Variants in SLC1A3 observed in about 807,000 individuals in gnomAD.
SLC1A3 encodes solute carrier family 1 member 3, also known as excitatory amino acid transporter 1.
SLC1A3 carries 21 observed loss-of-function variants against 48.1 expected under a neutral mutation model. That is an observed-to-expected ratio of 0.44 (90% CI 0.31 to 0.63). The LOEUF is 0.63. Among genes scored for constraint, SLC1A3 ranks in the 20% least tolerant of loss-of-function variants. The probability of loss-of-function intolerance (pLI) is 0.08; values close to 1 mark genes in which losing one functional copy is unlikely to be tolerated. For missense variants in SLC1A3, 546 were observed against 689.0 expected (o/e 0.79, Z 2.32); for synonymous variants, 239 against 251.4 (o/e 0.95, Z 0.47).
intron 6 of SLC1A3, among the ~76,000 whole-genome samples, chr5:36,679,098 G>A (rs937951736): frequency 7.2e-5 from 11 of 152,226 alleles, no homozygotes; most frequent in Non-Finnish European, 1.5e-4. Flanking sequence ...CTGCAAACCT[G>A]AGACACTGGT....
intron 2 of SLC1A3, among the ~76,000 whole-genome samples, chr5:36,626,337 A>G (rs151331313): frequency 2.0e-5 from 3 of 152,334 alleles, no homozygotes; most frequent in African/African-American, 7.2e-5. Flanking sequence ...CAGAACAGCT[A>G]TTCTATCAAT....
intron 3 of SLC1A3, among the ~76,000 whole-genome samples, chr5:36,653,759 G>T (rs552491643): frequency 6.6e-6 from 1 of 152,346 alleles, no homozygotes; most frequent in African/African-American, 2.4e-5. Context: ...GAGCTCCTGA[G>T]AGTGGCATAC....
At chr5:36,661,601 G>A (rs894629584) in intron 3 of SLC1A3, among the ~76,000 whole-genome samples, 10 of 152,202 alleles carry the variant, frequency 6.6e-5, no homozygotes, top group African/African-American at 2.4e-4. Context: ...GTGGGCACAG[G>A]TGCATGTGGC....
At chr5:36,617,415 C>CTTTTTT (rs34710652) in intron 2 of SLC1A3, among the ~76,000 whole-genome samples, 2 of 57,688 alleles carry the variant, frequency 3.5e-5, no homozygotes, top group South Asian at 9.1e-4. Context: ...AGGTTGCGGG[C>CTTTTTT]TTTTTTTTTT....
At chr5:36,612,983 G>A (rs1295413528) in intron 2 of SLC1A3, 1 of 389,498 alleles carries the variant, frequency 2.6e-6, no homozygotes, top group Non-Finnish European at 5.2e-6. Flanking sequence ...TTCAATGAGA[G>A]AAGGTGGACT....
At chr5:36,613,844 G>A (rs1312556990) in intron 2 of SLC1A3, among the ~76,000 whole-genome samples, 4 of 152,116 alleles carry the variant, frequency 2.6e-5, no homozygotes, top group Non-Finnish European at 5.9e-5. Context: ...TAGGTTATAA[G>A]AACTAGGGTC....
intron 1 of SLC1A3, among the ~76,000 whole-genome samples, chr5:36,599,949 G>C (rs934793416): frequency 1.3e-5 from 2 of 152,230 alleles, no homozygotes; most frequent in South Asian, 2.1e-4. Flanking sequence ...AGCCTCCCGA[G>C]TAGCTAGGAT....
At chr5:36,674,273 G>T (rs1356479169) in intron 5 of SLC1A3, among the ~76,000 whole-genome samples, 182 bp downstream of exon 5, 1 of 152,092 alleles carries the variant, frequency 6.6e-6, no homozygotes, top group Non-Finnish European at 1.5e-5. Context: ...ACCTTGTATT[G>T]AAAGCTTAGT....
At chr5:36,671,815 C>G (rs1257367390) in intron 4 of SLC1A3, among the ~76,000 whole-genome samples, 1 of 152,150 alleles carries the variant, frequency 6.6e-6, no homozygotes, top group East Asian at 1.9e-4. Flanking sequence ...ACAAACCATA[C>G]GTTGATTACA....
intron 3 of SLC1A3, among the ~76,000 whole-genome samples, chr5:36,631,982 C>G (rs112281290): frequency 2.0e-5 from 3 of 152,190 alleles, no homozygotes; most frequent in African/African-American, 7.2e-5. Context: ...GGAAAGGCAA[C>G]CTCAAATGCC....
chr5:36,682,871 T>A (rs1273593473), intron 8 of SLC1A3, among the ~76,000 whole-genome samples: 1 of 152,238 alleles, frequency 6.6e-6, no homozygotes, highest in East Asian at 1.9e-4. Flanking sequence ...AGTCCCAGTA[T>A]CTTAGAAGGG....
chr5:36,611,736 G>C (rs982895796), intron 2 of SLC1A3, among the ~76,000 whole-genome samples: 1 of 152,132 alleles, frequency 6.6e-6, no homozygotes, highest in Non-Finnish European at 1.5e-5. Context: ...GGGAAGAGTG[G>C]TTATTGTCTT....
intron 3 of SLC1A3, among the ~76,000 whole-genome samples, chr5:36,653,980 A>C (rs1170047499): frequency 1.3e-5 from 2 of 152,170 alleles, no homozygotes; most frequent in Admixed American, 1.3e-4. Context: ...AGTAGTTGGG[A>C]TTACAGGCAT....
intron 2 of SLC1A3, among the ~76,000 whole-genome samples, chr5:36,614,081 G>A (rs533225206): frequency 6.6e-6 from 1 of 152,266 alleles, no homozygotes; most frequent in East Asian, 1.9e-4. Context: ...TTTATGTCCA[G>A]TTCTGGAACT....
chr5:36,665,981 T>A (rs907665667), intron 3 of SLC1A3, among the ~76,000 whole-genome samples: 1 of 152,220 alleles, frequency 6.6e-6, no homozygotes, highest in Admixed American at 6.5e-5. Context: ...AGCTAGTCTA[T>A]AAAGGGGCCA....
intron 3 of SLC1A3, among the ~76,000 whole-genome samples, chr5:36,639,334 C>T (rs527905583): frequency 1.1e-4 from 17 of 152,208 alleles, no homozygotes; most frequent in East Asian, 1.9e-4. Flanking sequence ...GCTAAAACAT[C>T]GGCACTATTA....
chr5:36,629,427 C>CTT lies in SLC1A3; in HGVS notation c.182-9_182-8dup, dbSNP rs78316512. On this transcript the variant is annotated intron_variant, in intron 2 of 9. Transcript: ENST00000265113. ...CAAAAAAGACTCAATTTTTCTTTTTCTTTTTTTTTTTTTTTCCTTCAGGTA... is the reference window on the plus strand; with the variant it reads ...CAAAAAAGACTCAATTTTTCTTTTTCTTTTTTTTTTTTTTTTTCCTTCAGGTA... 2.0e-3 allele frequency: 2,878 copies of CTT among 1,451,346 alleles called. 4 individuals are homozygous for CTT. Among genetic ancestry groups the CTT allele is most frequent in the African/African-American group, 0.014 (979 of 68,446 alleles). The allele number at this position is 1,451,346 out of a possible 1,614,324, so 89.9% of individuals were successfully genotyped here. A position where few individuals can be genotyped will look rare whatever the true frequency, so the allele number is the denominator to read the frequency against.
intron 3 of SLC1A3, among the ~76,000 whole-genome samples, chr5:36,638,479 A>G (rs77695762): frequency 0.017 from 2,658 of 152,160 alleles, 76 homozygotes; most frequent in African/African-American, 0.06. Context: ...TTAGCTTTCA[A>G]TCTTTCCGTA....
At position 36,679,710 on chromosome 5, in the gene SLC1A3, C is replaced by T. The variant is rs1189034701; in HGVS notation, c.944C>T (p.Ala315Val). The change falls in exon 7 of 10, where the codon GCC (alanine) becomes GTC (valine). Residue 315 changes from alanine to valine, a missense_variant. Ala to Val is a moderately conservative substitution (Grantham distance 64). Coordinates refer to ENST00000265113, the MANE Select transcript of SLC1A3 (RefSeq NM_004172.5). ...EDMGVIGGQL[A>V]MYTVTVIVGL... The stretch of plus-strand genomic sequence containing the variant: ...ATGGGTGTGATTGGGGGGCAGCTTG[C>T]CATGTACACCGTGACTGTCATTGTT... 4 of 1,614,096 alleles carry T rather than the reference C, an allele frequency of 2.5e-6. No individual in the cohort carries two copies. The highest frequency in any genetic ancestry group is 3.4e-6 in the Non-Finnish European group (4 of 1,179,974).
Sources: gnomAD v4.1 joint callset for allele counts (sites outside exome capture counted in the v4.1 genomes callset) on GRCh38, gnomAD v4.1.1 for gene constraint, MANE v1.5 for transcripts, NCBI Gene and HGNC (gene_info 2026-07-23, HGNC 2026-07-21) for gene names.